The following STAG1 variants were observed in gnomAD, a reference collection of about 807,000 sequenced individuals.
STAG1 encodes STAG1 cohesin complex component, also known as cohesin subunit SA-1.
A neutral mutation model predicts 170.9 loss-of-function variants in STAG1; 26 were observed. That is an observed-to-expected ratio of 0.15 (90% CI 0.11 to 0.21). The LOEUF is 0.21. Ranked by LOEUF, STAG1 falls within the 10% of genes least tolerant of loss-of-function variation. The pLI, the probability that STAG1 is intolerant of heterozygous loss-of-function variation, is 1.00. For synonymous variants in STAG1, 514 were observed against 497.7 expected, an observed-to-expected ratio of 1.03 and a Z score of -0.44; for missense variants, 964 against 1,509.5, an observed-to-expected ratio of 0.64 and a Z score of 5.99.
At position 136,702,679 on chromosome 3, in the gene STAG1, C is replaced by T. The variant is rs563807558; in HGVS notation, c.-84+49516G>A. 1.5e-4 allele frequency among the ~76,000 whole-genome samples: 23 copies of T among 152,304 alleles called. 1 individual carries two copies. The highest frequency in any genetic ancestry group is 5.3e-4 in the African/African-American group (22 of 41,574). ...GGAATTACAGGAGTGAGCCACCATG[C>T]CCTGCCTCACTTACAACTGAACTTA... On this transcript the variant is annotated intron_variant, in intron 1 of 33. Transcript: ENST00000383202.
chr3:136,376,005 T>TTAACAAAATA, intron 23 of STAG1, among the ~76,000 whole-genome samples: 1 of 63,936 alleles, frequency 1.6e-5, no homozygotes, highest in Non-Finnish European at 3.1e-5. Context: ...AATAAATAAA[T>TTAACAAAATA]AAATAATTAA....
chr3:136,737,040 A>G, intron 1 of STAG1: 1 of 1,448,066 alleles, frequency 6.9e-7, no homozygotes, highest in Non-Finnish European at 9.7e-7. Context: ...CTTCATCTGT[A>G]ACTTCAGGAT....
At chr3:136,607,669 C>T (rs1939032649) in intron 3 of STAG1, among the ~76,000 whole-genome samples, 1 of 152,210 alleles carries the variant, frequency 6.6e-6, no homozygotes, top group Non-Finnish European at 1.5e-5. Context: ...TCCCAAAGTG[C>T]TAGGATTACA....
intron 22 of STAG1, among the ~76,000 whole-genome samples, chr3:136,390,230 T>C (rs1321896960): frequency 6.6e-6 from 1 of 152,176 alleles, no homozygotes; most frequent in East Asian, 1.9e-4. Context: ...GTACTCTTAA[T>C]GGAATGCTGA....
At chr3:136,445,100 T>C (rs138417108) in intron 14 of STAG1, among the ~76,000 whole-genome samples, 69 of 151,740 alleles carry the variant, frequency 4.5e-4, no homozygotes, top group Non-Finnish European at 7.7e-4. Context: ...ATGACTTATG[T>C]AATGCTCTGC....
chr3:136,454,295 G>C (rs564987215), intron 13 of STAG1, among the ~76,000 whole-genome samples: 15 of 149,328 alleles, frequency 1.0e-4, no homozygotes, highest in Non-Finnish European at 1.9e-4. Flanking sequence ...GGCCAGGCTG[G>C]TCTCGAACTC....
chr3:136,562,908 C>A (rs1418450821), intron 5 of STAG1, among the ~76,000 whole-genome samples: 2 of 152,116 alleles, frequency 1.3e-5, no homozygotes, highest in African/African-American at 4.8e-5. Flanking sequence ...TTTCATGACA[C>A]TGACTTTTTT....
At chr3:136,645,423 A>G (rs1940970384) in intron 1 of STAG1, among the ~76,000 whole-genome samples, 1 of 152,072 alleles carries the variant, frequency 6.6e-6, no homozygotes, top group Admixed American at 6.6e-5. Flanking sequence ...TTCAGCCCCA[A>G]CTGCCTCTGC....
At chr3:136,441,030 CTTT>C (rs68155305) in intron 15 of STAG1, among the ~76,000 whole-genome samples, 14 of 81,934 alleles carry the variant, frequency 1.7e-4, no homozygotes, top group Non-Finnish European at 1.4e-4. Context: ...ACCATCTTTC[CTTT>C]TTTTTTTTTT....
At chr3:136,458,919 A>G (rs2089195632) in intron 13 of STAG1, among the ~76,000 whole-genome samples, 1 of 152,172 alleles carries the variant, frequency 6.6e-6, no homozygotes, top group African/African-American at 2.4e-5. Flanking sequence ...GTCAAGAATG[A>G]TTAAAAAAAG....
At chr3:136,611,358 A>G (rs1939266639) in intron 3 of STAG1, among the ~76,000 whole-genome samples, 1 of 152,124 alleles carries the variant, frequency 6.6e-6, no homozygotes, top group Non-Finnish European at 1.5e-5. Flanking sequence ...CATGTTGGTC[A>G]GGCTGGTCTC....
Position 136,349,309 on chromosome 3 carries a change from ATCC to A in STAG1, c.3117_3119del (p.Glu1039del). The A allele has an allele frequency of 2.5e-6, 4 of 1,614,014 alleles. No individual in the cohort carries two copies. Among genetic ancestry groups the A allele is most frequent in the Non-Finnish European group, 3.4e-6 (4 of 1,179,918 alleles). On this transcript the variant is annotated inframe_deletion, in exon 29 of 34. Coordinates refer to ENST00000383202, the MANE Select transcript of STAG1 (RefSeq NM_005862.3). ...TATAGGAGATGAGTGGAAGCCATACATCCTCCCTCCTTTCCATCATCTGCTCGG... is the reference window on the plus strand; with the variant it reads ...TATAGGAGATGAGTGGAAGCCATACATCCCTCCTTTCCATCATCTGCTCGG...
intron 6 of STAG1, among the ~76,000 whole-genome samples, chr3:136,533,319 T>A (rs900833767): frequency 6.6e-6 from 1 of 152,176 alleles, no homozygotes; most frequent in African/African-American, 2.4e-5. Context: ...AAAATGTTGG[T>A]AACCACTGAA....
In STAG1 at chr3:136,338,426, T is replaced by G. The variant is rs755185809; in HGVS notation, c.3697A>C (p.Arg1233=). 9.9e-6 allele frequency: 16 copies of G among 1,614,016 alleles called. No homozygotes were observed. The highest frequency in any genetic ancestry group is 9.9e-5 in the South Asian group (9 of 91,060). Residue 1233 remains arginine (R), a synonymous_variant, in exon 33 of 34, where the codon AGA becomes CGA. Transcript: ENST00000383202. ...DLPPSRNRRE[R]AELRPDFFDS... ...AAGAAGTCTGGCCTTAGCTCAGCTC[T>G]CTCTCGCCGATTTCTTGATGGAGGC...
At chr3:136,709,265 G>A (rs1228501207) in intron 1 of STAG1, among the ~76,000 whole-genome samples, 1 of 151,450 alleles carries the variant, frequency 6.6e-6, no homozygotes, top group East Asian at 1.9e-4. Flanking sequence ...ACTCCAGCCT[G>A]GGCGACAGAG....
intron 30 of STAG1, among the ~76,000 whole-genome samples, chr3:136,343,401 G>A (rs543912813): frequency 9.2e-5 from 14 of 152,172 alleles, no homozygotes; most frequent in Non-Finnish European, 1.9e-4. Context: ...AGAAGTTTGA[G>A]TTTAAAATGT....
intron 1 of STAG1, among the ~76,000 whole-genome samples, chr3:136,743,261 G>A (rs970059797): frequency 4.6e-5 from 7 of 152,052 alleles, no homozygotes; most frequent in East Asian, 3.9e-4. Context: ...CCAGCTACTC[G>A]GGAGGCTGAG....
chr3:136,578,129 G>A (rs776195020), intron 4 of STAG1, among the ~76,000 whole-genome samples: 3 of 152,180 alleles, frequency 2.0e-5, no homozygotes, highest in Non-Finnish European at 2.9e-5. Flanking sequence ...TGCTTTTAAA[G>A]TTCTGTAAGC....
chr3:136,709,600 T>A (rs1943328582), intron 1 of STAG1, among the ~76,000 whole-genome samples: 1 of 151,796 alleles, frequency 6.6e-6, no homozygotes, highest in South Asian at 2.1e-4. Flanking sequence ...CTAGGCATGG[T>A]GGCATACACC....
Sources: allele counts gnomAD v4.1 joint callset (sites outside exome capture counted in the v4.1 genomes callset), GRCh38; gene constraint gnomAD v4.1.1; transcripts MANE v1.5; gene names NCBI Gene and HGNC (gene_info 2026-07-23, HGNC 2026-07-21).